Variants in HDAC9 observed in about 807,000 individuals in gnomAD.
HDAC9 encodes MEF-2 interacting transcription repressor (MITR) protein.
A neutral mutation model predicts 139.4 loss-of-function variants in HDAC9; 41 were observed. That is an observed-to-expected ratio of 0.29 (90% confidence interval 0.23 to 0.38). HDAC9 has a LOEUF of 0.38. HDAC9 is among the 10% of genes least tolerant of loss of function. The probability of loss-of-function intolerance (pLI) is 1.00; values close to 1 mark genes in which losing one functional copy is unlikely to be tolerated. For missense variants in HDAC9, 1,147 were observed against 1,297.0 expected (o/e 0.88, Z 1.78); for synonymous variants, 517 against 476.2 (o/e 1.09, Z -1.12).
chr7:18,391,830 G>A lies in HDAC9; in HGVS notation c.-42+101315G>A, dbSNP rs577974321. 7.2e-5 allele frequency among the ~76,000 whole-genome samples: 11 copies of A among 152,294 alleles called. No individual in the cohort carries two copies. In the East Asian group the frequency reaches 1.9e-3, roughly 27 times the overall value. On this transcript the variant is annotated intron_variant, in intron 1 of 3. Coordinates refer to the HDAC9 transcript ENST00000413509. The stretch of plus-strand genomic sequence containing the variant: ...CTTCTGTCAAATGAGGGCAATAGAA[G>A]TTTTTACCATGGGGTTATTTACAGG...
At chr7:18,795,454 C>T (rs1364448578) in intron 17 of HDAC9, among the ~76,000 whole-genome samples, 3 of 152,006 alleles carry the variant, frequency 2.0e-5, no homozygotes, top group African/African-American at 7.2e-5. Flanking sequence ...GCATTTTGAG[C>T]TATTTGCAAA....
chr7:18,147,527 A>G (rs1786428855), intron 1 of HDAC9, among the ~76,000 whole-genome samples: 1 of 152,014 alleles, frequency 6.6e-6, no homozygotes, highest in Non-Finnish European at 1.5e-5. Flanking sequence ...TATGTTGTTT[A>G]TTTTTTTATT....
intron 1 of HDAC9, among the ~76,000 whole-genome samples, chr7:18,124,270 G>A (rs928777183): frequency 6.6e-6 from 1 of 152,058 alleles, no homozygotes; most frequent in Non-Finnish European, 1.5e-5. Flanking sequence ...TGTCTTTTAC[G>A]GTCTGCTTCC....
chr7:18,370,993 A>G (rs1474660688), intron 1 of HDAC9, among the ~76,000 whole-genome samples: 1 of 152,136 alleles, frequency 6.6e-6, no homozygotes, highest in African/African-American at 2.4e-5. Flanking sequence ...TGGCTAATCT[A>G]TCCATTCATC....
At chr7:18,268,636 T>G (rs905182183) in intron 2 of HDAC9, among the ~76,000 whole-genome samples, 6 of 152,296 alleles carry the variant, frequency 3.9e-5, no homozygotes, top group African/African-American at 1.2e-4. Flanking sequence ...TTGTAGTGAA[T>G]AGGGAGTTTG....
Position 18,382,387 on chromosome 7 carries a change from C to A in HDAC9, c.-42+91872C>A, listed in dbSNP as rs988984922. 2.0e-5 allele frequency among the ~76,000 whole-genome samples: 3 copies of A among 152,142 alleles called. No homozygotes were observed. The East Asian group carries it at 5.8e-4, about 29-fold the overall frequency. On this transcript the variant is annotated intron_variant, in intron 1 of 3. Coordinates refer to the HDAC9 transcript ENST00000413509. Reference sequence around the variant, plus strand: ...TGAATGTATTGTGTCAGGAAGAAAACCTTTGAGATATAATTCTTAGAAATA... The same window carrying A: ...TGAATGTATTGTGTCAGGAAGAAAAACTTTGAGATATAATTCTTAGAAATA...
intron 21 of HDAC9, among the ~76,000 whole-genome samples, chr7:18,855,384 A>G (rs1180475668): frequency 6.6e-6 from 1 of 152,104 alleles, no homozygotes; most frequent in Non-Finnish European, 1.5e-5. Flanking sequence ...ATTTACAGAA[A>G]ATAGTTGCAA....
At chr7:18,110,462 A>G (rs896404342) in intron 1 of HDAC9, among the ~76,000 whole-genome samples, 1 of 152,198 alleles carries the variant, frequency 6.6e-6, no homozygotes, top group East Asian at 1.9e-4. Flanking sequence ...TTCCAGGCAG[A>G]GAGAAGTAAT....
chr7:18,870,094 C>T (rs769085956), intron 21 of HDAC9, among the ~76,000 whole-genome samples: 15 of 152,022 alleles, frequency 9.9e-5, no homozygotes, highest in African/African-American at 2.9e-4. Context: ...TACGCCAACA[C>T]GCAGTGTACC....
At chr7:18,555,737 A>G (rs1818601232) in intron 2 of HDAC9, among the ~76,000 whole-genome samples, 1 of 152,076 alleles carries the variant, frequency 6.6e-6, no homozygotes, top group Non-Finnish European at 1.5e-5. Context: ...GTAATAATAA[A>G]CGATATTTTT....
At chr7:18,307,837 G>T (rs900236968) in intron 1 of HDAC9, among the ~76,000 whole-genome samples, 2 of 151,872 alleles carry the variant, frequency 1.3e-5, no homozygotes, top group Admixed American at 6.6e-5. Context: ...GAAAAAAATC[G>T]TAATTATTAT....
intron 1 of HDAC9, among the ~76,000 whole-genome samples, chr7:18,362,763 A>G (rs900517855): frequency 6.6e-6 from 1 of 152,180 alleles, no homozygotes; most frequent in African/African-American, 2.4e-5. Context: ...TTCATGCTAC[A>G]TTTATATCTT....
intron 22 of HDAC9, among the ~76,000 whole-genome samples, chr7:18,931,221 G>A (rs1050860234): frequency 1.3e-5 from 2 of 152,110 alleles, no homozygotes; most frequent in Admixed American, 6.6e-5. Flanking sequence ...CTCAGGGAAA[G>A]AACATTTCTA....
chr7:18,644,644 T>C (rs1562723791), intron 8 of HDAC9, 27 bp from the exon 9 acceptor site: 7 of 1,595,466 alleles, frequency 4.4e-6, no homozygotes, highest in Non-Finnish European at 6.0e-6. Context: ...ACTGTGGTAT[T>C]TTGAGACTCT....
At chr7:18,132,959 G>C (rs1785120378) in intron 1 of HDAC9, among the ~76,000 whole-genome samples, 1 of 152,096 alleles carries the variant, frequency 6.6e-6, no homozygotes, top group Non-Finnish European at 1.5e-5. Flanking sequence ...ATAACTCTCA[G>C]AATTAAATCA....
At chr7:18,111,101 G>T (rs551572769) in intron 1 of HDAC9, among the ~76,000 whole-genome samples, 1 of 152,190 alleles carries the variant, frequency 6.6e-6, no homozygotes, top group South Asian at 2.1e-4. Flanking sequence ...TGAGGATGTG[G>T]CAAGAAAAGA....
At chr7:18,541,485 A>G (rs564441683) in intron 2 of HDAC9, among the ~76,000 whole-genome samples, 1 of 152,166 alleles carries the variant, frequency 6.6e-6, no homozygotes, top group South Asian at 2.1e-4. Flanking sequence ...CTGTCTCTCT[A>G]ATACATTCTT....
chr7:18,549,383 C>G (rs185986052), intron 2 of HDAC9, among the ~76,000 whole-genome samples: 9 of 152,210 alleles, frequency 5.9e-5, no homozygotes, highest in Admixed American at 5.9e-4. Context: ...TGAAATAACT[C>G]AAAACAATAA....
At chr7:18,660,867 T>C (rs10229062) in intron 11 of HDAC9, among the ~76,000 whole-genome samples, 35,566 of 152,046 alleles carry the variant, frequency 0.23, 6,434 homozygotes, top group African/African-American at 0.48. Context: ...TCGGAGAAGT[T>C]GGTGGTGCCA....
Sources: gnomAD v4.1 joint callset for allele counts (sites outside exome capture counted in the v4.1 genomes callset) on GRCh38, gnomAD v4.1.1 for gene constraint, MANE v1.5 for transcripts, NCBI Gene and HGNC (gene_info 2026-07-23, HGNC 2026-07-21) for gene names.